MYO6: variants seen among roughly 807,000 people sequenced by gnomAD.
The protein encoded by MYO6 is myosin VI, also known as unconventional myosin-VI.
MYO6 carries 74 observed loss-of-function variants against 178.7 expected under a neutral mutation model. The observed-to-expected ratio is 0.41, with a 90% CI of 0.34 to 0.50. MYO6 has a LOEUF of 0.50. MYO6 is among the 20% of genes least tolerant of loss of function. MYO6 has a pLI of 0.09. For synonymous variants in MYO6, 477 were observed against 504.6 expected, an observed-to-expected ratio of 0.95 and a Z score of 0.73; for missense variants, 1,330 against 1,547.4, an observed-to-expected ratio of 0.86 and a Z score of 2.36.
intron 32 of MYO6, among the ~76,000 whole-genome samples, chr6:75,910,865 TG>T (rs1244936973): frequency 6.6e-6 from 1 of 152,104 alleles, no homozygotes; most frequent in East Asian, 1.9e-4. Flanking sequence ...GGAAGTGCTG[TG>T]TAGTCTAATA....
intron 31 of MYO6, among the ~76,000 whole-genome samples, chr6:75,907,936 T>TA (rs2149416434): frequency 6.6e-6 from 1 of 152,260 alleles, no homozygotes; most frequent in African/African-American, 2.4e-5. Context: ...ACAGAACAAT[T>TA]AGAGTAAAAT....
chr6:75,821,328 C>T (rs1348600021), intron 2 of MYO6, among the ~76,000 whole-genome samples: 1 of 152,184 alleles, frequency 6.6e-6, no homozygotes, highest in African/African-American at 2.4e-5. Flanking sequence ...AAGTTGGGCA[C>T]ATACATATAT....
At chr6:75,765,049 T>A (rs752080582) in intron 1 of MYO6, among the ~76,000 whole-genome samples, 7 of 151,134 alleles carry the variant, frequency 4.6e-5, no homozygotes, top group Non-Finnish European at 8.8e-5. Context: ...AGCTAACCAC[T>A]GGCAGAACTG....
chr6:75,835,583 C>T (rs1773558843), intron 6 of MYO6, among the ~76,000 whole-genome samples: 2 of 152,120 alleles, frequency 1.3e-5, no homozygotes, highest in Admixed American at 6.5e-5. Context: ...AGGCGCATGC[C>T]AGCATGCCTG....
intron 23 of MYO6, among the ~76,000 whole-genome samples, chr6:75,882,256 A>G (rs1303209315): frequency 2.6e-5 from 4 of 152,158 alleles, no homozygotes; most frequent in Admixed American, 2.6e-4. Flanking sequence ...CAAATACTGT[A>G]CATTCCTTTC....
chr6:75,837,341 G>T (rs961130643), intron 7 of MYO6, among the ~76,000 whole-genome samples: 1 of 152,104 alleles, frequency 6.6e-6, no homozygotes, highest in Non-Finnish European at 1.5e-5. Context: ...CGGATATAAA[G>T]CTAAGCATTT....
intron 32 of MYO6, 35 bp downstream of exon 32, chr6:75,908,662 A>G (rs753190930): frequency 1.1e-5 from 17 of 1,599,770 alleles, no homozygotes; most frequent in African/African-American, 9.4e-5. Context: ...ACGTTTTAAA[A>G]TATATGTATA....
chr6:75,862,413 A>G (rs1292257165), intron 15 of MYO6, among the ~76,000 whole-genome samples, 183 bp from the exon 16 acceptor site: 1 of 152,306 alleles, frequency 6.6e-6, no homozygotes, highest in Non-Finnish European at 1.5e-5. Flanking sequence ...TTACTTTTTT[A>G]TAAACGGCCA....
At chr6:75,828,448 G>A (rs1472316496) in intron 3 of MYO6, 92 bp from the exon 4 acceptor site, 2 of 797,656 alleles carry the variant, frequency 2.5e-6, no homozygotes, top group Non-Finnish European at 4.3e-6. Context: ...TTGATTTTTA[G>A]GATGAGTCAA....
rs1409110539 is a variant in MYO6, at chr6:75,898,404, T to C, written c.3169T>C (p.Leu1057=). The change falls in exon 30 of 35, where the codon TTG becomes CTG. Residue 1057 remains leucine, a synonymous_variant. Coordinates refer to ENST00000369977, the MANE Select transcript of MYO6 (RefSeq NM_004999.4). ...AATGGCCAAAGAAATGTCAGAATTT[T>C]TGAGTAGGTTAGTGCAGTGTAATTG... The part of the protein sequence containing the change: ...EQMAKEMSEF[L]SRGPAVLATK... The C allele has an allele frequency of 6.2e-7, 1 of 1,610,020 alleles. No individual in the cohort carries two copies. Among genetic ancestry groups the C allele is most frequent in the South Asian group, 1.1e-5 (1 of 91,016 alleles).
At chr6:75,764,966 T>C (rs1013219284) in intron 1 of MYO6, among the ~76,000 whole-genome samples, 1 of 150,286 alleles carries the variant, frequency 6.7e-6, no homozygotes, top group Non-Finnish European at 1.5e-5. Context: ...GCCACTGCGC[T>C]CCAGCCTGGG....
intron 1 of MYO6, among the ~76,000 whole-genome samples, chr6:75,755,614 A>G (rs1314133575): frequency 6.6e-6 from 1 of 152,190 alleles, no homozygotes; most frequent in Non-Finnish European, 1.5e-5. Context: ...TTCTGGGGGA[A>G]TTTTGAAAAT....
chr6:75,883,298 G>T (rs1385275758), intron 23 of MYO6, among the ~76,000 whole-genome samples: 1 of 150,444 alleles, frequency 6.6e-6, no homozygotes, highest in Non-Finnish European at 1.5e-5. Context: ...TGTATCACAG[G>T]GACAGATTAT....
chr6:75,781,801 C>G (rs969630247), intron 1 of MYO6, among the ~76,000 whole-genome samples: 3 of 151,006 alleles, frequency 2.0e-5, no homozygotes, highest in African/African-American at 7.3e-5. Context: ...ACCTGTAGTC[C>G]CAGTTATTCG....
chr6:75,863,018 G>C (rs1450903376), intron 16 of MYO6, among the ~76,000 whole-genome samples: 2 of 152,130 alleles, frequency 1.3e-5, no homozygotes, highest in Non-Finnish European at 2.9e-5. Flanking sequence ...TTGAGCCTGG[G>C]AGTCGAGGCT....
chr6:75,879,796 C>T (rs1777871967), intron 20 of MYO6, 24 bp from the exon 21 acceptor site: 2 of 1,614,020 alleles, frequency 1.2e-6, no homozygotes, highest in South Asian at 2.2e-5. Context: ...ATTGACAGTG[C>T]TTTGTGCTTG....
Position 75,845,104 on chromosome 6 carries a change from A to G in MYO6, c.897+127A>G, listed in dbSNP as rs1346309520. Reference sequence around the variant, plus strand: ...TTTTAGGCTTATACTTTAAAAAATTAAATATTCATCTAAGTCTCTGTCACA... The same window carrying G: ...TTTTAGGCTTATACTTTAAAAAATTGAATATTCATCTAAGTCTCTGTCACA... On this transcript the variant is annotated intron_variant, in intron 10 of 34. Transcript: ENST00000369977. 1.6e-5 allele frequency: 12 copies of G among 748,274 alleles called. No homozygotes were observed. The East Asian group carries it at 3.1e-4, about 19-fold the overall frequency. The allele number at this position is 748,274 out of a possible 1,614,324, so 46.4% of individuals were successfully genotyped here. A position where few individuals can be genotyped will look rare whatever the true frequency, so the allele number is the denominator to read the frequency against.
At chr6:75,899,727 CA>C (rs1432048127) in intron 30 of MYO6, among the ~76,000 whole-genome samples, 5 of 142,954 alleles carry the variant, frequency 3.5e-5, no homozygotes, top group African/African-American at 1.3e-4. Context: ...TCTTCTGGAA[CA>C]TTTTTTTAAA....
chr6:75,879,161 A>C (rs1020064725), intron 20 of MYO6, among the ~76,000 whole-genome samples: 1 of 152,218 alleles, frequency 6.6e-6, no homozygotes, highest in African/African-American at 2.4e-5. Flanking sequence ...GGTTTAATGC[A>C]GGGCTTTGCC....
Sources: allele counts gnomAD v4.1 joint callset (sites outside exome capture counted in the v4.1 genomes callset), GRCh38; gene constraint gnomAD v4.1.1; transcripts MANE v1.5; gene names NCBI Gene and HGNC (gene_info 2026-07-23, HGNC 2026-07-21).